WIPF3: variants seen among roughly 807,000 people sequenced by gnomAD.
The protein encoded by WIPF3 is WAS/WASL interacting protein family member 3, also known as WAS/WASL-interacting protein family member 3.
In WIPF3, 33 loss-of-function variants were observed where a neutral mutation model predicts 38.9. That is an observed-to-expected ratio of 0.85 (90% CI 0.64 to 1.14). WIPF3 has a LOEUF of 1.14. Among genes scored for constraint, WIPF3 ranks in the 50% most tolerant of loss-of-function variants. WIPF3 has a pLI of 0.00. For missense variants in WIPF3, 711 were observed against 652.5 expected, an observed-to-expected ratio of 1.09 and a Z score of -0.98; for synonymous variants, 324 against 269.3, an observed-to-expected ratio of 1.20 and a Z score of -1.99.
At chr7:29,853,772 A>T (rs1425932807) in intron 2 of WIPF3, among the ~76,000 whole-genome samples, 2 of 152,198 alleles carry the variant, frequency 1.3e-5, no homozygotes, top group African/African-American at 4.8e-5. Flanking sequence ...ATTATGGCTG[A>T]TGTGAAGACT....
intron 7 of WIPF3, among the ~76,000 whole-genome samples, chr7:29,891,262 G>A (rs565580705): frequency 2.7e-5 from 4 of 147,606 alleles, no homozygotes; most frequent in Admixed American, 2.0e-4. Context: ...GTGCTCAGGT[G>A]GAGGGGGCGA....
intron 2 of WIPF3, among the ~76,000 whole-genome samples, chr7:29,836,452 T>G (rs1784799899): frequency 6.6e-6 from 1 of 152,242 alleles, no homozygotes; most frequent in Admixed American, 6.5e-5. Flanking sequence ...TGGAGTGTTC[T>G]CTGTAAGAAA....
At chr7:29,824,780 A>C (rs981639825) in intron 1 of WIPF3, among the ~76,000 whole-genome samples, 1 of 152,094 alleles carries the variant, frequency 6.6e-6, no homozygotes. Context: ...CGGCTGCCTC[A>C]GGAAGGAATC....
chr7:29,879,218 G>GC (rs1336103935), intron 4 of WIPF3, 78 bp downstream of exon 4: 5 of 1,524,414 alleles, frequency 3.3e-6, no homozygotes, highest in African/African-American at 1.4e-5. Context: ...ATCCACACAT[G>GC]CCAGTAAGCA....
chr7:29,809,082 T>C (rs1398426345), intron 1 of WIPF3, among the ~76,000 whole-genome samples: 1 of 152,248 alleles, frequency 6.6e-6, no homozygotes, highest in Non-Finnish European at 1.5e-5. Flanking sequence ...ATTTAATATA[T>C]ATGAACTTTG....
intron 1 of WIPF3, among the ~76,000 whole-genome samples, chr7:29,824,326 A>C (rs1288349711): frequency 6.6e-6 from 1 of 152,150 alleles, no homozygotes; most frequent in Non-Finnish European, 1.5e-5. Context: ...ACAAAACGAA[A>C]ATGAAAAAGA....
intron 1 of WIPF3, among the ~76,000 whole-genome samples, chr7:29,807,247 A>G (rs1784297793): frequency 6.6e-6 from 1 of 152,172 alleles, no homozygotes; most frequent in South Asian, 2.1e-4. Context: ...GTCCAAGGTC[A>G]CACAGCTCAT....
chr7:29,869,439 T>C (rs1214804574), intron 2 of WIPF3, among the ~76,000 whole-genome samples: 1 of 152,254 alleles, frequency 6.6e-6, no homozygotes, highest in East Asian at 1.9e-4. Flanking sequence ...CTATTTACCA[T>C]CTTTTCAAGC....
intron 1 of WIPF3, among the ~76,000 whole-genome samples, chr7:29,815,334 G>T (rs2128061696): frequency 6.6e-6 from 1 of 152,286 alleles, no homozygotes; most frequent in East Asian, 1.9e-4. Flanking sequence ...TCGACTCTTT[G>T]TTGCTGTTGT....
At chr7:29,859,719 A>C (rs1236929051) in intron 2 of WIPF3, among the ~76,000 whole-genome samples, 1 of 152,156 alleles carries the variant, frequency 6.6e-6, no homozygotes, top group African/African-American at 2.4e-5. Context: ...TCTCGATCTC[A>C]AGGGCTTGGG....
intron 7 of WIPF3, among the ~76,000 whole-genome samples, chr7:29,899,875 GAGAGA>G (rs1470699907): frequency 3.3e-5 from 5 of 152,118 alleles, no homozygotes; most frequent in South Asian, 4.2e-4. Context: ...TCAAATAGAA[GAGAGA>G]AGAGACTAGA....
rs1211879519 is a variant in WIPF3, at chr7:29,883,937, C to T, written c.443C>T (p.Ala148Val). The T allele has an allele frequency of 3.2e-6, 5 of 1,582,224 alleles. No homozygotes were observed. Among genetic ancestry groups the T allele is most frequent in the East Asian group, 2.3e-5 (1 of 43,262 alleles). Residue 148 changes from alanine to valine, a missense_variant, in exon 5 of 9, where the codon GCC (alanine) becomes GTC (valine). Coordinates refer to ENST00000242140, the MANE Select transcript of WIPF3 (RefSeq NM_001080529.3). ...KTISGPLIPP[A>V]SPRLGNTSEA... ...ATCAGCGGCCCGCTTATCCCGCCTG[C>T]CTCTCCCAGGCTAGGCAATACCTCC... is the stretch of plus-strand genomic sequence containing the variant.
chr7:29,901,699 G>A (rs1302942674), intron 7 of WIPF3, among the ~76,000 whole-genome samples: 7 of 151,694 alleles, frequency 4.6e-5, no homozygotes, highest in African/African-American at 1.7e-4. Context: ...GTAGCCAGGT[G>A]TGGTGGTGTG....
At chr7:29,875,621 G>T (rs903299661) in intron 2 of WIPF3, among the ~76,000 whole-genome samples, 1 of 152,138 alleles carries the variant, frequency 6.6e-6, no homozygotes, top group Admixed American at 6.5e-5. Context: ...TTGGGACTTG[G>T]TCATCTAAAA....
chr7:29,833,730 A>G (rs1283397656), intron 1 of WIPF3, among the ~76,000 whole-genome samples: 1 of 152,244 alleles, frequency 6.6e-6, no homozygotes, highest in Non-Finnish European at 1.5e-5. Context: ...AACCAAAGGG[A>G]CAGCAGGAAT....
chr7:29,853,112 A>AGGGAGGAAAACCAGTAAT (rs1441852909), intron 2 of WIPF3, among the ~76,000 whole-genome samples: 1 of 152,110 alleles, frequency 6.6e-6, no homozygotes, highest in African/African-American at 2.4e-5. Flanking sequence ...GAAATAGAAG[A>AGGGAGGAAAACCAGTAAT]GGGAGGAAAA....
At chr7:29,839,562 C>A (rs747553761) in intron 2 of WIPF3, among the ~76,000 whole-genome samples, 32 of 152,256 alleles carry the variant, frequency 2.1e-4, no homozygotes, top group Admixed American at 6.5e-4. Flanking sequence ...GAATGAATGA[C>A]CTCATGAGCA....
At chr7:29,881,378 C>A (rs1294268552) in intron 4 of WIPF3, among the ~76,000 whole-genome samples, 1 of 152,172 alleles carries the variant, frequency 6.6e-6, no homozygotes, top group African/African-American at 2.4e-5. Context: ...TAAATACTTG[C>A]TGAATTGCAT....
At chr7:29,813,787 AC>A (rs1002059514) in intron 1 of WIPF3, among the ~76,000 whole-genome samples, 1 of 151,958 alleles carries the variant, frequency 6.6e-6, no homozygotes, top group African/African-American at 2.4e-5. Context: ...CATTTTCATC[AC>A]CCCAAGAAGA....
Sources: allele counts gnomAD v4.1 joint callset (sites outside exome capture counted in the v4.1 genomes callset), GRCh38; gene constraint gnomAD v4.1.1; transcripts MANE v1.5; gene names NCBI Gene and HGNC (gene_info 2026-07-23, HGNC 2026-07-21).